Variants in WBP1L observed in about 807,000 individuals in gnomAD.
The protein encoded by WBP1L is WW domain binding protein 1 like, also known as WW domain binding protein 1-like.
WBP1L carries 17 observed loss-of-function variants against 33.7 expected under a neutral mutation model. The observed-to-expected ratio is 0.50, with a 90% CI of 0.34 to 0.76. WBP1L has a LOEUF of 0.76. WBP1L is among the 30% of genes least tolerant of loss of function. The pLI is 0.01. For missense variants in WBP1L, 389 were observed against 469.4 expected (o/e 0.83, Z 1.58); for synonymous variants, 173 against 190.8 (o/e 0.91, Z 0.77).
chr10:102,801,148 A>G (rs1482506796), intron 2 of WBP1L, among the ~76,000 whole-genome samples: 1 of 152,170 alleles, frequency 6.6e-6, no homozygotes, highest in East Asian at 1.9e-4. Context: ...TCAATGTTTC[A>G]TAACCCAAAC....
At chr10:102,756,607 C>T (rs1842980014) in intron 1 of WBP1L, among the ~76,000 whole-genome samples, 3 of 152,084 alleles carry the variant, frequency 2.0e-5, no homozygotes, top group Non-Finnish European at 4.4e-5. Context: ...TGCCATTTCA[C>T]ACAGTGCTAC....
intron 1 of WBP1L, among the ~76,000 whole-genome samples, chr10:102,793,139 A>T (rs1843527158): frequency 6.6e-6 from 1 of 152,210 alleles, no homozygotes; most frequent in South Asian, 2.1e-4. Flanking sequence ...TGCTTTGAAG[A>T]TGCTTGGAAG....
At chr10:102,755,313 C>A (rs1269013674) in intron 1 of WBP1L, among the ~76,000 whole-genome samples, 1 of 151,940 alleles carries the variant, frequency 6.6e-6, no homozygotes, top group African/African-American at 2.4e-5. Context: ...TGGTGATTCC[C>A]AGGCATAGTC....
chr10:102,786,446 A>G (rs537921581), intron 1 of WBP1L, among the ~76,000 whole-genome samples: 81 of 152,328 alleles, frequency 5.3e-4, no homozygotes, highest in African/African-American at 1.8e-3. Flanking sequence ...CCAGGGGAGC[A>G]TGTTTTAAAA....
At chr10:102,784,159 A>T (rs559959157) in intron 1 of WBP1L, among the ~76,000 whole-genome samples, 48 of 152,098 alleles carry the variant, frequency 3.2e-4, no homozygotes, top group Non-Finnish European at 6.2e-4. Context: ...TTACTCAAAT[A>T]ACCGGGATTA....
At position 102,798,057 on chromosome 10, in the gene WBP1L, G is replaced by A. The variant is rs750656522; in HGVS notation, c.155G>A (p.Gly52Glu). The change falls in exon 2 of 4, where the codon GGA (glycine) becomes GAA (glutamate). Residue 52 changes from glycine to glutamate, a missense_variant. Coordinates refer to ENST00000448841, the MANE Select transcript of WBP1L (RefSeq NM_001083913.2). ...SYICDTGHCCGQSQCCNYYYE... is the reference protein window; with the variant it reads ...SYICDTGHCCEQSQCCNYYYE... ...ATCTGTGACACAGGACACTGCTGTG[G>A]ACAGTCTCAGTGCTGCAACTACTAC... 7 of 1,614,042 alleles carry A rather than the reference G, an allele frequency of 4.3e-6. No homozygotes were observed. Among genetic ancestry groups the A allele is most frequent in the Non-Finnish European group, 5.9e-6 (7 of 1,180,032 alleles).
At chr10:102,764,098 G>A (rs1162075677) in intron 1 of WBP1L, among the ~76,000 whole-genome samples, 2 of 152,210 alleles carry the variant, frequency 1.3e-5, no homozygotes, top group Non-Finnish European at 2.9e-5. Flanking sequence ...ACAGGTGTGA[G>A]CCACCACGCC....
chr10:102,767,857 C>T (rs1267875331), intron 1 of WBP1L, among the ~76,000 whole-genome samples: 1 of 152,154 alleles, frequency 6.6e-6, no homozygotes, highest in East Asian at 1.9e-4. Flanking sequence ...AAAAACTGTG[C>T]TGGTCAAAGA....
At chr10:102,800,141 ACT>A (rs1228174276) in intron 2 of WBP1L, among the ~76,000 whole-genome samples, 1 of 152,240 alleles carries the variant, frequency 6.6e-6, no homozygotes, top group African/African-American at 2.4e-5. Context: ...AGGTAGACAG[ACT>A]CTGTTTAAAT....
At chr10:102,774,690 T>TA (rs1163009946) in intron 1 of WBP1L, among the ~76,000 whole-genome samples, 3 of 152,166 alleles carry the variant, frequency 2.0e-5, no homozygotes, top group African/African-American at 7.2e-5. Flanking sequence ...ATTTCTGACT[T>TA]ACATGGATCA....
At chr10:102,792,477 T>A (rs1843513225) in intron 1 of WBP1L, among the ~76,000 whole-genome samples, 1 of 152,188 alleles carries the variant, frequency 6.6e-6, no homozygotes, top group Admixed American at 6.5e-5. Flanking sequence ...CTACCTAACT[T>A]TCCTATCTAC....
At chr10:102,783,426 T>C (rs186989343) in intron 1 of WBP1L, among the ~76,000 whole-genome samples, 1 of 152,308 alleles carries the variant, frequency 6.6e-6, no homozygotes, top group Non-Finnish European at 1.5e-5. Context: ...GTCGCTAGGT[T>C]CAGGACTTTG....
intron 1 of WBP1L, among the ~76,000 whole-genome samples, chr10:102,765,343 C>A (rs1231060202): frequency 2.0e-5 from 3 of 152,168 alleles, no homozygotes; most frequent in Non-Finnish European, 4.4e-5. Context: ...GTTGATCCTC[C>A]TACCTCACCC....
At position 102,812,938 on chromosome 10, in the gene WBP1L, G is replaced by A; in HGVS notation, c.699G>A (p.Leu233=). The change falls in exon 4 of 4, where the codon CTG becomes CTA. Residue 233 remains leucine, a synonymous_variant. Transcript: ENST00000448841. ...GGGAGCTGGACCCGGGGGCCTTCCT[G>A]GACAAAGATGCAGAATGTAGGGAGG... ...GLGELDPGAF[L]DKDAECREEL... 6.3e-7 allele frequency: 1 copy of A among 1,599,018 alleles called. No homozygotes were observed.
intron 1 of WBP1L, among the ~76,000 whole-genome samples, chr10:102,776,647 C>A (rs1843268578): frequency 1.3e-5 from 2 of 152,166 alleles, no homozygotes; most frequent in African/African-American, 4.8e-5. Flanking sequence ...TAGGGCTGAC[C>A]AGTTCTGATT....
intron 1 of WBP1L, among the ~76,000 whole-genome samples, chr10:102,790,651 C>T (rs1369499382): frequency 6.6e-6 from 1 of 152,024 alleles, no homozygotes; most frequent in Non-Finnish European, 1.5e-5. Context: ...GCTGGGATTA[C>T]AGGCGCCCGC....
intron 2 of WBP1L, chr10:102,803,931 G>T (rs1843695914): frequency 6.6e-6 from 1 of 151,862 alleles, no homozygotes; most frequent in Non-Finnish European, 1.5e-5. Context: ...TCTTCTTTGT[G>T]CTTACTTCAG....
intron 1 of WBP1L, among the ~76,000 whole-genome samples, chr10:102,748,224 C>G (rs1443184150): frequency 1.3e-5 from 2 of 151,626 alleles, no homozygotes; most frequent in Non-Finnish European, 2.9e-5. Context: ...CCACTGCACT[C>G]TCCAGCCTGG....
intron 2 of WBP1L, among the ~76,000 whole-genome samples, chr10:102,809,622 C>T (rs553540208): frequency 2.0e-5 from 3 of 152,236 alleles, no homozygotes; most frequent in East Asian, 1.9e-4. Context: ...ATCCACCCAT[C>T]TTGGCCTGGG....
Sources: allele counts gnomAD v4.1 joint callset (sites outside exome capture counted in the v4.1 genomes callset), GRCh38; gene constraint gnomAD v4.1.1; transcripts MANE v1.5; gene names NCBI Gene and HGNC (gene_info 2026-07-23, HGNC 2026-07-21).